DNAH7: variants seen among roughly 807,000 people sequenced by gnomAD.
The protein encoded by DNAH7 is dynein axonemal heavy chain 7.
DNAH7 carries 397 observed loss-of-function variants against 444.6 expected under a neutral mutation model. That is an observed-to-expected ratio of 0.89 (90% confidence interval 0.82 to 0.97). The LOEUF (loss-of-function observed/expected upper bound fraction) is 0.97, where lower values mean the gene tolerates loss of function less well. Among genes scored for constraint, DNAH7 ranks in the 50% least tolerant of loss-of-function variants. The pLI is 0.00. For synonymous variants in DNAH7, 1,636 were observed against 1,624.4 expected (o/e 1.01, Z -0.17); for missense variants, 4,902 against 4,800.8 (o/e 1.02, Z -0.62).
Position 195,845,065 on chromosome 2 carries a change from C to T in DNAH7, c.8882G>A (p.Arg2961Gln), listed in dbSNP as rs376432117. The change falls in exon 47 of 65, where the codon CGA (arginine) becomes CAA (glutamine). Residue 2961 changes from arginine (R) to glutamine (Q), a missense_variant. Transcript: ENST00000312428. Reference protein sequence around the residue: ...MGTLGEAVTIRTWNIAGLPSD... With the variant: ...MGTLGEAVTIQTWNIAGLPSD... ...AGGTAATCCAGCAATATTCCAAGTTCGAATTGTCACAGCTTCTCCCAGGGT... is the reference window on the plus strand; with the variant it reads ...AGGTAATCCAGCAATATTCCAAGTTTGAATTGTCACAGCTTCTCCCAGGGT... The T allele has an allele frequency of 4.3e-5, 69 of 1,613,794 alleles. No homozygotes were observed. Among genetic ancestry groups the T allele is most frequent in the Non-Finnish European group, 5.2e-5 (61 of 1,179,874 alleles).
intron 29 of DNAH7, among the ~76,000 whole-genome samples, chr2:195,896,635 C>T (rs1392864535): frequency 6.6e-6 from 1 of 152,182 alleles, no homozygotes; most frequent in East Asian, 1.9e-4. Context: ...GAATATACAA[C>T]TGCATGACAA....
In DNAH7 at chr2:195,765,840, C is replaced by T. The variant is rs35327724; in HGVS notation, c.11433+5820G>A. 5.7e-3 allele frequency among the ~76,000 whole-genome samples: 862 copies of T among 152,172 alleles called. 3 individuals carry two copies. Among genetic ancestry groups the T allele is most frequent in the Non-Finnish European group, 8.7e-3 (590 of 67,982 alleles). On this transcript the variant is annotated intron_variant, in intron 61 of 64. Transcript: ENST00000312428. ...TTGGAGATTCCTTAAAAAACTAAAA[C>T]GAGAGCTACCATATGATCCAGCAAT...
In DNAH7 at chr2:195,758,140, T is replaced by A. The variant is rs1310709646; in HGVS notation, c.11434-1855A>T. Among the ~76,000 whole-genome samples, 4 of 152,318 alleles carry A rather than the reference T, an allele frequency of 2.6e-5. No homozygotes were observed. The East Asian group carries it at 7.7e-4, about 29-fold the overall frequency. On this transcript the variant is annotated intron_variant, in intron 61 of 64. Transcript: ENST00000312428. ...AAGCAGGTCAAGAAGAAATACATAATCATGCTGAATGTTTCTTAAACAGCC... is the reference window on the plus strand; with the variant it reads ...AAGCAGGTCAAGAAGAAATACATAAACATGCTGAATGTTTCTTAAACAGCC...
intron 58 of DNAH7, among the ~76,000 whole-genome samples, chr2:195,781,757 G>A (rs186434093): frequency 6.7e-6 from 1 of 150,226 alleles, no homozygotes; most frequent in Non-Finnish European, 1.5e-5. Flanking sequence ...TATCTACTTT[G>A]AAAGTTATCC....
At chr2:195,980,063 A>T (rs1960431) in intron 15 of DNAH7, among the ~76,000 whole-genome samples, 1 of 4,656 alleles carries the variant, frequency 2.1e-4, no homozygotes, top group Non-Finnish European at 2.7e-3. Flanking sequence ...AACTAATACA[A>T]AAAAAAAAAA....
chr2:195,888,138 C>A (rs892263397), intron 33 of DNAH7, 120 bp downstream of exon 33: 6 of 819,088 alleles, frequency 7.3e-6, no homozygotes, highest in Non-Finnish European at 9.0e-6. Flanking sequence ...TTAATTTAAT[C>A]AAAAAGGTTT....
At chr2:195,772,781 CT>C (rs201466193) in intron 60 of DNAH7, among the ~76,000 whole-genome samples, 4,826 of 133,456 alleles carry the variant, frequency 0.036, 146 homozygotes, top group East Asian at 0.23. Context: ...TCTACTGTGA[CT>C]TTTTTTTTTT....
At position 196,058,056 on chromosome 2, in the gene DNAH7, T is replaced by C. The variant is rs758973984; in HGVS notation, c.76A>G (p.Met26Val). Residue 26 changes from methionine to valine, a missense_variant and splice_region_variant, in exon 2 of 65, where the codon ATG becomes GTG. Physicochemically the swap from Met to Val is conservative, Grantham distance 21. Coordinates refer to ENST00000312428, the MANE Select transcript of DNAH7 (RefSeq NM_018897.3). Reference protein sequence around the residue: ...KPVRFLPQLSMEKLASKEKFK... With the variant: ...KPVRFLPQLSVEKLASKEKFK... ...ATGATGGTATATTGGTAAATTACCA[T>C]AGACAGCTGTGGTAGAAATCTTACT... The C allele has an allele frequency of 4.5e-6, 7 of 1,548,230 alleles. No homozygotes were observed. The East Asian group carries it at 1.2e-4, about 26-fold the overall frequency.
At position 196,000,790 on chromosome 2, in the gene DNAH7, T is replaced by C. The variant is rs1312070225; in HGVS notation, c.1267A>G (p.Ile423Val). Residue 423 changes from isoleucine (I) to valine (V), a missense_variant, in exon 12 of 65, where the codon ATA (isoleucine) becomes GTA (valine). By Grantham distance (29) the Ile-to-Val change is conservative. Transcript: ENST00000312428. ...IKFEPELSDYIDIFLNVYDVM... is the reference protein window; with the variant it reads ...IKFEPELSDYVDIFLNVYDVM... ...TCATAAACATTTAGAAAGATATCTATATAGTCACTCAACTCAGGTTCAAAC... is the reference window on the plus strand; with the variant it reads ...TCATAAACATTTAGAAAGATATCTACATAGTCACTCAACTCAGGTTCAAAC... The C allele has an allele frequency of 2.7e-5, 44 of 1,607,992 alleles. No individual in the cohort carries two copies. Among genetic ancestry groups the C allele is most frequent in the Non-Finnish European group, 3.6e-5 (42 of 1,176,676 alleles).
chr2:195,807,095 T>C (rs1487970813), intron 53 of DNAH7, among the ~76,000 whole-genome samples: 2 of 151,908 alleles, frequency 1.3e-5, no homozygotes, highest in East Asian at 1.9e-4. Flanking sequence ...ATCCCTATTA[T>C]GAAAAAAGTA....
At chr2:195,994,406 T>A (rs1353748948) in intron 12 of DNAH7, 46 of 715,436 alleles carry the variant, frequency 6.4e-5, no homozygotes, top group Non-Finnish European at 1.0e-4. Context: ...TAGAAGGAAT[T>A]TGGTCCTCAG....
At chr2:195,891,402 A>T (rs1395711215) in intron 31 of DNAH7, among the ~76,000 whole-genome samples, 1 of 151,632 alleles carries the variant, frequency 6.6e-6, no homozygotes, top group Non-Finnish European at 1.5e-5. Context: ...AACCAGAAAT[A>T]CTTTGCCCTG....
Position 195,891,709 on chromosome 2 carries a change from A to C in DNAH7, c.4992T>G (p.His1664Gln). Residue 1664 changes from histidine to glutamine, a missense_variant, in exon 31 of 65, where the codon CAT (histidine) becomes CAG (glutamine). Physicochemically the swap from His to Gln is conservative, Grantham distance 24. Coordinates refer to ENST00000312428, the MANE Select transcript of DNAH7 (RefSeq NM_018897.3). ...QLYGQFDSVS[H>Q]EWSDGVLAVS... is the part of the protein sequence containing the mutation. ...CAGCAAGGACCCCATCAGACCATTC[A>C]TGGGACACTGAATCAAACTGTCCGT... 1 of 1,608,468 alleles carries C rather than the reference A, an allele frequency of 6.2e-7. No homozygotes were observed. Among genetic ancestry groups the C allele is most frequent in the Non-Finnish European group, 8.5e-7 (1 of 1,177,588 alleles).
At chr2:195,939,591 T>G (rs1216942905) in intron 19 of DNAH7, among the ~76,000 whole-genome samples, 1 of 152,142 alleles carries the variant, frequency 6.6e-6, no homozygotes, top group Non-Finnish European at 1.5e-5. Flanking sequence ...CTTTGACACT[T>G]TAATTACTTT....
Position 195,794,624 on chromosome 2 carries a change from G to C in DNAH7, c.10516-86C>G, listed in dbSNP as rs1191890583. 5 of 1,262,882 alleles carry C rather than the reference G, an allele frequency of 4.0e-6. No homozygotes were observed. In the Admixed American group the frequency reaches 9.4e-5, roughly 24 times the overall value. 78.2% of individuals were successfully genotyped at this position (1,262,882 alleles called of 1,614,324 possible). Reference sequence around the variant, plus strand: ...ATACATATGAAGGATGAGTTGGAAGGGGGAGGAAGTATTTTTACAAAGTAG... The same window carrying C: ...ATACATATGAAGGATGAGTTGGAAGCGGGAGGAAGTATTTTTACAAAGTAG... On this transcript the variant is annotated intron_variant, in intron 56 of 64. Transcript: ENST00000312428.
chr2:195,984,052 T>G (rs1354937725), intron 15 of DNAH7, among the ~76,000 whole-genome samples: 1 of 152,192 alleles, frequency 6.6e-6, no homozygotes, highest in Non-Finnish European at 1.5e-5. Flanking sequence ...CAATGAGATG[T>G]TAGCTAATGT....
In DNAH7 at chr2:195,888,997, G is replaced by A. The variant is rs1415992295; in HGVS notation, c.5047-16C>T. ...TATCTGGAGTCTGTTTCATGCATATGTGAACAGAGGGCAAAAACGTAATGA... is the reference window on the plus strand; with the variant it reads ...TATCTGGAGTCTGTTTCATGCATATATGAACAGAGGGCAAAAACGTAATGA... On this transcript the variant is annotated splice_polypyrimidine_tract_variant and intron_variant, in intron 31 of 64. Transcript: ENST00000312428. 6.3e-7 allele frequency: 1 copy of A among 1,595,786 alleles called. No homozygotes were observed. The highest frequency in any genetic ancestry group is 8.5e-7 in the Non-Finnish European group (1 of 1,174,196).
chr2:195,983,415 CT>C (rs1380270263), intron 15 of DNAH7, among the ~76,000 whole-genome samples: 2 of 152,162 alleles, frequency 1.3e-5, no homozygotes, highest in African/African-American at 4.8e-5. Context: ...CCTCAGGAAG[CT>C]TTTACTCATG....
At chr2:195,978,371 T>C in intron 15 of DNAH7, among the ~76,000 whole-genome samples, 1 of 152,186 alleles carries the variant, frequency 6.6e-6, no homozygotes, top group South Asian at 2.1e-4. Flanking sequence ...GCAAAATTTA[T>C]GGTAACCTCA....
Sources: allele counts gnomAD v4.1 joint callset (sites outside exome capture counted in the v4.1 genomes callset), GRCh38; gene constraint gnomAD v4.1.1; transcripts MANE v1.5; gene names NCBI Gene and HGNC (gene_info 2026-07-23, HGNC 2026-07-21).